Variants in PKIG observed in about 807,000 individuals in gnomAD.
PKIG encodes cAMP-dependent protein kinase inhibitor gamma.
Under a neutral mutation model 6.8 loss-of-function variants are expected in PKIG, and 1 was observed. That is an observed-to-expected ratio of 0.15 (90% CI 0.05 to 0.69). The LOEUF (loss-of-function observed/expected upper bound fraction) is 0.69. PKIG is among the 30% of genes least tolerant of loss of function. The pLI, the probability that PKIG is intolerant of heterozygous loss-of-function variation, is 0.82. For missense variants in PKIG, 77 were observed against 104.0 expected, an observed-to-expected ratio of 0.74 and a Z score of 1.13; for synonymous variants, 39 against 43.0, an observed-to-expected ratio of 0.91 and a Z score of 0.36.
At chr20:44,596,055 G>T (rs1568827877) in intron 2 of PKIG, among the ~76,000 whole-genome samples, 1 of 152,018 alleles carries the variant, frequency 6.6e-6, no homozygotes, top group Admixed American at 6.6e-5. Context: ...TGGTTATTTA[G>T]TCACTGAGTG....
At chr20:44,540,651 TCA>T (rs2064553139) in intron 1 of PKIG, among the ~76,000 whole-genome samples, 1 of 152,094 alleles carries the variant, frequency 6.6e-6, no homozygotes, top group Non-Finnish European at 1.5e-5. Flanking sequence ...TGATGTCGAC[TCA>T]CTGCAACCTC....
chr20:44,617,358 C>T (rs184883833), intron 3 of PKIG, among the ~76,000 whole-genome samples: 1 of 152,248 alleles, frequency 6.6e-6, no homozygotes, highest in African/African-American at 2.4e-5. Flanking sequence ...ATGCCAGGCC[C>T]CACGTGGTGC....
intron 1 of PKIG, among the ~76,000 whole-genome samples, chr20:44,558,681 CT>C (rs1270424983): frequency 7.1e-6 from 1 of 141,476 alleles, no homozygotes; most frequent in Non-Finnish European, 1.5e-5. Flanking sequence ...CTCTTTCTTT[CT>C]TTCTCTTTTT....
chr20:44,564,931 A>G (rs2064797826), intron 1 of PKIG, among the ~76,000 whole-genome samples: 2 of 152,258 alleles, frequency 1.3e-5, no homozygotes, highest in Non-Finnish European at 1.5e-5. Flanking sequence ...GGCTTAGTCT[A>G]AGATAAGTCC....
At chr20:44,612,949 A>G (rs1168510863) in intron 2 of PKIG, among the ~76,000 whole-genome samples, 2 of 152,178 alleles carry the variant, frequency 1.3e-5, no homozygotes, top group Non-Finnish European at 2.9e-5. Flanking sequence ...CCATCCAAGC[A>G]TGCTGGCACA....
intron 1 of PKIG, among the ~76,000 whole-genome samples, chr20:44,575,578 G>A (rs2064890178): frequency 6.6e-6 from 1 of 152,204 alleles, no homozygotes; most frequent in South Asian, 2.1e-4. Context: ...CCCTGCCTGG[G>A]AAGCTGCTGG....
intron 1 of PKIG, among the ~76,000 whole-genome samples, chr20:44,539,239 C>T (rs1909228970): frequency 6.6e-6 from 1 of 151,582 alleles, no homozygotes; most frequent in Non-Finnish European, 1.5e-5. Context: ...CCCGGCCTGC[C>T]CAACTTTCAT....
At chr20:44,571,984 T>C (rs1249499057) in intron 1 of PKIG, among the ~76,000 whole-genome samples, 1 of 152,244 alleles carries the variant, frequency 6.6e-6, no homozygotes, top group Non-Finnish European at 1.5e-5. Context: ...GGCCTCAGCA[T>C]CTTTACGACA....
intron 1 of PKIG, among the ~76,000 whole-genome samples, chr20:44,558,714 TCC>T (rs1359963572): frequency 6.6e-6 from 1 of 151,100 alleles, no homozygotes; most frequent in East Asian, 1.9e-4. Flanking sequence ...CTTTCTTTCT[TCC>T]CTTCTTTCCC....
chr20:44,605,187 C>T (rs1224177034), intron 2 of PKIG, among the ~76,000 whole-genome samples: 6 of 152,008 alleles, frequency 3.9e-5, no homozygotes, highest in African/African-American at 1.4e-4. Context: ...GGGCGGATCA[C>T]GAGGCCAGGA....
chr20:44,533,505 A>G (rs1003076221), intron 1 of PKIG, among the ~76,000 whole-genome samples: 6 of 152,224 alleles, frequency 3.9e-5, no homozygotes, highest in African/African-American at 9.6e-5. Flanking sequence ...AGATCAATCT[A>G]GCATAGTTTG....
At chr20:44,560,065 CAAAAAAA>C (rs113467337) in intron 1 of PKIG, among the ~76,000 whole-genome samples, 1 of 123,144 alleles carries the variant, frequency 8.1e-6, no homozygotes, top group African/African-American at 2.8e-5. Flanking sequence ...GAAAAAAATA[CAAAAAAA>C]AAAAGAAAGA....
chr20:44,550,951 ATTT>A (rs1298467396), intron 1 of PKIG, among the ~76,000 whole-genome samples: 1 of 152,070 alleles, frequency 6.6e-6, no homozygotes, highest in African/African-American at 2.4e-5. Context: ...AATTGTTAAC[ATTT>A]TGCTGCATAT....
At chr20:44,604,392 G>T (rs2065146681) in intron 2 of PKIG, among the ~76,000 whole-genome samples, 1 of 152,208 alleles carries the variant, frequency 6.6e-6, no homozygotes, top group Admixed American at 6.5e-5. Flanking sequence ...GATGTCTGCA[G>T]CTCAGCAATG....
chr20:44,584,354 C>T (rs551912778), intron 1 of PKIG, among the ~76,000 whole-genome samples: 2 of 151,926 alleles, frequency 1.3e-5, no homozygotes, highest in East Asian at 3.9e-4. Flanking sequence ...AACTTAAAGC[C>T]CGCCATCCTA....
intron 1 of PKIG, among the ~76,000 whole-genome samples, chr20:44,583,989 CTG>C (rs917289884): frequency 3.9e-5 from 6 of 152,042 alleles, no homozygotes; most frequent in African/African-American, 1.2e-4. Context: ...TCAGTGGTAA[CTG>C]TATGTGCACA....
rs538794342 is a variant in PKIG, at chr20:44,553,015, G to A, written c.-241+21037G>A. Among the ~76,000 whole-genome samples, 58 of 152,222 alleles carry A rather than the reference G, an allele frequency of 3.8e-4. No homozygotes were observed. In the South Asian group the frequency reaches 0.011, roughly 29 times the overall value. On this transcript the variant is annotated intron_variant, in intron 1 of 4. Transcript: ENST00000372887. ...TGTTATTTGTGTATTTTTAGAAGTG[G>A]GAGTCGGGTAATCCTAGTCCTGTCA...
At position 44,614,573 on chromosome 20, in the gene PKIG, C is replaced by G; in HGVS notation, c.17C>G (p.Ser6Cys). Residue 6 changes from serine (S) to cysteine (C), a missense_variant, in exon 3 of 4, where the codon TCC (serine) becomes TGC (cysteine). Transcript: ENST00000372886. The surrounding 1 kb of genome is among the most constrained non-coding windows in gnomAD (Gnocchi z 4.6). MMEVE[S>C]SYSDFISCDR... ...GCGACAGGCATGATGGAGGTCGAGTCCTCCTACTCGGACTTCATCTCCTGT... is the reference window on the plus strand; with the variant it reads ...GCGACAGGCATGATGGAGGTCGAGTGCTCCTACTCGGACTTCATCTCCTGT... 6.2e-7 allele frequency: 1 copy of G among 1,614,070 alleles called. No individual in the cohort carries two copies. The highest frequency in any genetic ancestry group is 1.1e-5 in the South Asian group (1 of 91,084).
At chr20:44,550,185 A>G (rs2064654994) in intron 1 of PKIG, among the ~76,000 whole-genome samples, 1 of 150,582 alleles carries the variant, frequency 6.6e-6, no homozygotes, top group Non-Finnish European at 1.5e-5. Flanking sequence ...TAATTCTCAC[A>G]CAAGCGTTGT....
Sources: gnomAD v4.1 joint callset for allele counts (sites outside exome capture counted in the v4.1 genomes callset) on GRCh38, gnomAD v4.1.1 for gene constraint, Gnocchi (gnomAD v3.1) non-coding constraint, MANE v1.5 for transcripts, NCBI Gene and HGNC (gene_info 2026-07-23, HGNC 2026-07-21) for gene names.